NAALADL2: variants seen among roughly 807,000 people sequenced by gnomAD.
The protein encoded by NAALADL2 is N-acetylated alpha-linked acidic dipeptidase like 2.
NAALADL2 carries 76 observed loss-of-function variants against 87.2 expected under a neutral mutation model. That is an observed-to-expected ratio of 0.87 (90% confidence interval 0.72 to 1.05). The LOEUF (loss-of-function observed/expected upper bound fraction) is 1.05, where lower values mean the gene tolerates loss of function less well. Among genes scored for constraint, NAALADL2 ranks in the 50% least tolerant of loss-of-function variants. NAALADL2 has a pLI of 0.00. For missense variants in NAALADL2, 1,089 were observed against 945.8 expected, an observed-to-expected ratio of 1.15 and a Z score of -1.99; for synonymous variants, 354 against 331.0, an observed-to-expected ratio of 1.07 and a Z score of -0.75.
rs1224478519 is a variant in NAALADL2, at chr3:175,036,778, G to A, written c.44-60012G>A. On this transcript the variant is annotated intron_variant, in intron 1 of 13. Coordinates refer to ENST00000454872, the MANE Select transcript of NAALADL2 (RefSeq NM_207015.3). ...GTTTTTCCTAATGCTCCTGCTGTTG[G>A]CCAGTGTCATATTTTTCCATCTGTT... Among the ~76,000 whole-genome samples, 13 of 148,370 alleles carry A rather than the reference G, an allele frequency of 8.8e-5. No individual in the cohort carries two copies. The East Asian group carries it at 2.3e-3, about 27-fold the overall frequency.
intron 10 of NAALADL2, among the ~76,000 whole-genome samples, chr3:175,588,410 T>C (rs13081919): frequency 0.67 from 99,554 of 148,986 alleles, 34,464 homozygotes; most frequent in East Asian, 0.85. Flanking sequence ...TATAATACTA[T>C]AGGGGTATAA....
At chr3:174,653,738 G>A (rs1264646197) in intron 2 of NAALADL2, among the ~76,000 whole-genome samples, 1 of 152,104 alleles carries the variant, frequency 6.6e-6, no homozygotes. Flanking sequence ...ACAAGTATTT[G>A]TGAACAATAT....
At position 175,593,824 on chromosome 3, in the gene NAALADL2, A is replaced by G. The variant is rs529915107; in HGVS notation, c.1800+17637A>G. Among the ~76,000 whole-genome samples, 267 of 152,180 alleles carry G rather than the reference A, an allele frequency of 1.8e-3. 1 individual carries two copies. Among genetic ancestry groups the G allele is most frequent in the Admixed American group, 3.5e-3 (54 of 15,278 alleles). On this transcript the variant is annotated intron_variant, in intron 10 of 13. Transcript: ENST00000454872. ...TCACCTGCAAAGACCCTCTCTCCCAATAAGGTCACATTCACATGTATTGAG... is the reference window on the plus strand; with the variant it reads ...TCACCTGCAAAGACCCTCTCTCCCAGTAAGGTCACATTCACATGTATTGAG...
intron 2 of NAALADL2, among the ~76,000 whole-genome samples, chr3:175,144,597 A>G (rs1417983750): frequency 1.3e-5 from 2 of 151,962 alleles, no homozygotes; most frequent in East Asian, 1.9e-4. Flanking sequence ...TCCTATGTTT[A>G]TTCTCACTGA....
intron 2 of NAALADL2, among the ~76,000 whole-genome samples, chr3:174,688,458 GATTA>G (rs1728249088): frequency 1.8e-5 from 2 of 114,176 alleles, no homozygotes; most frequent in Non-Finnish European, 3.7e-5. Context: ...ATAGTGTAAA[GATTA>G]ATTAAACCTA....
intron 1 of NAALADL2, among the ~76,000 whole-genome samples, chr3:174,947,325 C>T (rs910741835): frequency 6.6e-6 from 1 of 151,996 alleles, no homozygotes; most frequent in South Asian, 2.1e-4. Flanking sequence ...GTTATCCCAA[C>T]CCTTGCAAAG....
intron 6 of NAALADL2, among the ~76,000 whole-genome samples, chr3:175,453,707 G>A (rs889249077): frequency 1.4e-4 from 22 of 152,066 alleles, no homozygotes; most frequent in African/African-American, 5.1e-4. Context: ...GGTATCATCA[G>A]TGTTCTATGA....
intron 1 of NAALADL2, among the ~76,000 whole-genome samples, chr3:174,949,200 G>A (rs1294659148): frequency 1.3e-5 from 2 of 152,156 alleles, no homozygotes; most frequent in African/African-American, 4.8e-5. Flanking sequence ...GGAATTTGGG[G>A]GAAACATAAA....
chr3:174,883,045 A>G (rs1729625362), intron 1 of NAALADL2, among the ~76,000 whole-genome samples: 2 of 152,082 alleles, frequency 1.3e-5, no homozygotes, highest in South Asian at 4.2e-4. Flanking sequence ...AAGAACTTGG[A>G]GTCCGATGTT....
At chr3:175,792,945 T>C (rs114338814) in intron 13 of NAALADL2, among the ~76,000 whole-genome samples, 1,861 of 152,352 alleles carry the variant, frequency 0.012, 42 homozygotes, top group African/African-American at 0.043. Context: ...GGATTAGCTT[T>C]TGCTGGTTCT....
chr3:175,524,110 A>G (rs1158118805), intron 9 of NAALADL2, among the ~76,000 whole-genome samples: 2 of 152,212 alleles, frequency 1.3e-5, no homozygotes, highest in Non-Finnish European at 2.9e-5. Context: ...GCTTTGTCTT[A>G]TATACCCACA....
intron 9 of NAALADL2, among the ~76,000 whole-genome samples, chr3:175,475,476 A>C (rs1422535529): frequency 1.3e-5 from 2 of 152,166 alleles, no homozygotes; most frequent in Non-Finnish European, 2.9e-5. Flanking sequence ...CTTTAGAAAA[A>C]CATAATTTGG....
In NAALADL2 at chr3:174,509,856, A is replaced by G. The variant is rs139785710; in HGVS notation, c.-183-40713A>G. 2.6e-3 allele frequency among the ~76,000 whole-genome samples: 399 copies of G among 152,136 alleles called. 2 individuals are homozygous for G. Among genetic ancestry groups the G allele is most frequent in the Non-Finnish European group, 4.0e-3 (274 of 67,996 alleles). On this transcript the variant is annotated intron_variant, in intron 1 of 3. Transcript: ENST00000434257. ...AGTCAGATTGAGGGTTAGAGATTCA[A>G]CATACGAATTTTGGGGGGATGCAGT...
intron 1 of NAALADL2, among the ~76,000 whole-genome samples, chr3:174,516,362 T>C (rs1318264269): frequency 6.6e-6 from 1 of 152,084 alleles, no homozygotes; most frequent in Non-Finnish European, 1.5e-5. Flanking sequence ...TAATGAGACC[T>C]TTGTTTTTTC....
At chr3:174,996,048 G>C (rs1487628367) in intron 1 of NAALADL2, among the ~76,000 whole-genome samples, 1 of 152,070 alleles carries the variant, frequency 6.6e-6, no homozygotes, top group Non-Finnish European at 1.5e-5. Flanking sequence ...AATTTTCTTC[G>C]AGTTAAGGTC....
At chr3:174,562,239 A>G (rs761728540) in intron 2 of NAALADL2, among the ~76,000 whole-genome samples, 1 of 152,186 alleles carries the variant, frequency 6.6e-6, no homozygotes, top group Non-Finnish European at 1.5e-5. Context: ...ATTTTAAAGC[A>G]CCAAGTAATT....
chr3:175,047,548 A>G (rs901169194), intron 1 of NAALADL2, among the ~76,000 whole-genome samples: 5 of 152,208 alleles, frequency 3.3e-5, no homozygotes, highest in Admixed American at 1.3e-4. Flanking sequence ...TGTAACATAC[A>G]TAGAAACATA....
At chr3:175,221,758 G>GTTAGTTATTTATTTAT (rs367600773) in intron 2 of NAALADL2, among the ~76,000 whole-genome samples, 1 of 148,976 alleles carries the variant, frequency 6.7e-6, no homozygotes, top group Non-Finnish European at 1.5e-5. Context: ...ATATTCAGTG[G>GTTAGTTATTTATTTAT]TTATTTATTT....
At chr3:175,277,955 T>C (rs1253105129) in intron 4 of NAALADL2, among the ~76,000 whole-genome samples, 1 of 152,148 alleles carries the variant, frequency 6.6e-6, no homozygotes. Context: ...TGCTGCATAG[T>C]CCCCTTTTCC....
Sources: gnomAD v4.1 joint callset for allele counts (sites outside exome capture counted in the v4.1 genomes callset) on GRCh38, gnomAD v4.1.1 for gene constraint, MANE v1.5 for transcripts, NCBI Gene and HGNC (gene_info 2026-07-23, HGNC 2026-07-21) for gene names.